Variants in ANKDD1B observed in about 807,000 individuals in gnomAD.
ANKDD1B encodes the protein ankyrin repeat and death domain containing 1B.
A neutral mutation model predicts 59.7 loss-of-function variants in ANKDD1B; 57 were observed. The observed-to-expected ratio is 0.95, with a 90% confidence interval of 0.77 to 1.19. ANKDD1B has a LOEUF of 1.19. Among genes scored for constraint, ANKDD1B ranks in the 50% most tolerant of loss-of-function variants. ANKDD1B has a pLI of 0.00. For missense variants in ANKDD1B, 602 were observed against 641.9 expected (o/e 0.94, Z 0.67); for synonymous variants, 216 against 239.5 (o/e 0.90, Z 0.91).
At position 75,656,096 on chromosome 5, in the gene ANKDD1B, G is replaced by T. The variant is rs1404982631; in HGVS notation, c.965G>T (p.Ser322Ile). The change falls in exon 9 of 14, where the codon AGT (serine) becomes ATT (isoleucine). Residue 322 changes from serine (S) to isoleucine (I), a missense_variant. This residue lies in a region of ANKDD1B where 280 missense variants were observed against 319.8 expected (regional missense o/e 0.88). Coordinates refer to ENST00000601380, the MANE Select transcript of ANKDD1B (RefSeq NM_001276713.2). The part of the protein sequence containing the change: ...NHITVVNSLL[S>I]AQHDIDILNQ... ...ATCACGGTTGTAAACAGTTTATTAA[G>T]TGCACAGCATGATATTGACATCTTA... 6.6e-7 allele frequency: 1 copy of T among 1,526,116 alleles called. No homozygotes were observed. Among genetic ancestry groups the T allele is most frequent in the Non-Finnish European group, 8.8e-7 (1 of 1,138,394 alleles). The allele number at this position is 1,526,116 out of a possible 1,614,324, so 94.5% of individuals were successfully genotyped here. A position where few individuals can be genotyped will look rare whatever the true frequency, so the allele number is the denominator to read the frequency against.
chr5:75,669,326 G>T lies in ANKDD1B; in HGVS notation c.1468G>T (p.Asp490Tyr). 1 of 1,232,066 alleles carries T rather than the reference G, an allele frequency of 8.1e-7. No individual in the cohort carries two copies. The highest frequency in any genetic ancestry group is 4.1e-5 in the South Asian group (1 of 24,304). 76.3% of individuals were successfully genotyped at this position (1,232,066 alleles called of 1,614,324 possible). Reference protein sequence around the residue: ...WLHGTLMTQGDPAKQLYEELV... With the variant: ...WLHGTLMTQGYPAKQLYEELV... ...ACACGGGACCCTGATGACTCAGGGT[G>T]ACCCGGCCAAGCAACTGTATGAAGA... Residue 490 changes from aspartate (D) to tyrosine (Y), a missense_variant, in exon 13 of 14, where the codon GAC becomes TAC. By Grantham distance (160) the Asp-to-Tyr change is radical (BLOSUM62 -3). This residue lies in a region of ANKDD1B where 280 missense variants were observed against 319.8 expected (regional missense o/e 0.88). Transcript: ENST00000601380.
At chr5:75,648,694 C>A (rs988687110) in intron 7 of ANKDD1B, among the ~76,000 whole-genome samples, 3 of 152,242 alleles carry the variant, frequency 2.0e-5, no homozygotes, top group African/African-American at 7.2e-5. Flanking sequence ...AACCTCAGCC[C>A]CCACTAGCTA....
rs1338232275 is a variant in ANKDD1B, at chr5:75,671,375, G to C, written c.*335G>C. ...CATCATGGTACAGTAAAAAAACAAG[G>C]GTTTTTATAATAGACAAATATGGTT... On this transcript the variant is annotated 3_prime_UTR_variant, in exon 14 of 14. Coordinates refer to ENST00000601380, the MANE Select transcript of ANKDD1B (RefSeq NM_001276713.2). The C allele has an allele frequency of 5.2e-5, 9 of 172,908 alleles. No homozygotes were observed. The East Asian group carries it at 1.4e-3, about 26-fold the overall frequency. 10.7% of individuals were successfully genotyped at this position (172,908 alleles called of 1,614,324 possible). A position where few individuals can be genotyped will look rare whatever the true frequency, so the allele number is the denominator to read the frequency against.
intron 5 of ANKDD1B, among the ~76,000 whole-genome samples, chr5:75,632,717 G>A (rs1053981973): frequency 1.6e-4 from 25 of 152,024 alleles, no homozygotes; most frequent in Admixed American, 2.6e-4. Context: ...CTCACCACCC[G>A]CCTTTCCAGC....
chr5:75,658,046 T>TA (rs775615583), intron 9 of ANKDD1B, among the ~76,000 whole-genome samples: 202 of 136,058 alleles, frequency 1.5e-3, no homozygotes, highest in Admixed American at 2.5e-3. Flanking sequence ...GCCTCATCGC[T>TA]AAAAAAAAAA....
At chr5:75,623,452 G>C (rs1773909628) in intron 3 of ANKDD1B, among the ~76,000 whole-genome samples, 1 of 152,088 alleles carries the variant, frequency 6.6e-6, no homozygotes, top group Non-Finnish European at 1.5e-5. Flanking sequence ...GTGGAATTGT[G>C]TTTAGGGAAC....
chr5:75,663,304 A>G, intron 10 of ANKDD1B, 90 bp from the exon 11 acceptor site: 1 of 963,792 alleles, frequency 1.0e-6, no homozygotes, highest in Middle Eastern at 2.1e-4. Flanking sequence ...TGGTAGAATC[A>G]AGATTTGAAC....
chr5:75,663,294 TG>T, intron 10 of ANKDD1B, 99 bp from the exon 11 acceptor site: 2 of 858,192 alleles, frequency 2.3e-6, no homozygotes, highest in Non-Finnish European at 1.9e-6. Flanking sequence ...CAGCATGGGC[TG>T]GTAGAATCAA....
chr5:75,637,314 T>C (rs1014449983), intron 7 of ANKDD1B, among the ~76,000 whole-genome samples: 44 of 143,432 alleles, frequency 3.1e-4, no homozygotes, highest in Non-Finnish European at 5.4e-4. Flanking sequence ...GTGCAGGGGA[T>C]GTGGCTGTGG....
intron 2 of ANKDD1B, among the ~76,000 whole-genome samples, chr5:75,617,989 G>A (rs1262764458): frequency 6.6e-6 from 1 of 151,870 alleles, no homozygotes; most frequent in Non-Finnish European, 1.5e-5. Flanking sequence ...GGATTGGTAT[G>A]TCTGTGTATA....
chr5:75,651,155 G>A (rs950126224), intron 7 of ANKDD1B, among the ~76,000 whole-genome samples: 17 of 152,176 alleles, frequency 1.1e-4, no homozygotes, highest in African/African-American at 3.9e-4. Context: ...TTACAGGGTC[G>A]ACCCAGATTC....
Position 75,611,813 on chromosome 5 carries a change from C to T in ANKDD1B, c.179C>T (p.Ala60Val), listed in dbSNP as rs79228722. 3.8e-5 allele frequency: 47 copies of T among 1,231,792 alleles called. No homozygotes were observed. The highest frequency in any genetic ancestry group is 4.8e-5 in the Non-Finnish European group (47 of 988,118). 76.3% of individuals were successfully genotyped at this position (1,231,792 alleles called of 1,614,324 possible). ...EGLGEEDTAV[A>V]GHELLLPNER... ...CTTGGAGAGGAGGACACAGCAGTTGCCGGACACGAGCTCCGTGAGTCCCGG... is the reference window on the plus strand; with the variant it reads ...CTTGGAGAGGAGGACACAGCAGTTGTCGGACACGAGCTCCGTGAGTCCCGG... The change falls in exon 1 of 14, where the codon GCC (alanine) becomes GTC (valine). Residue 60 changes from alanine (A) to valine (V), a missense_variant. Coordinates refer to ENST00000601380, the MANE Select transcript of ANKDD1B (RefSeq NM_001276713.2).
In ANKDD1B at chr5:75,640,615, C is replaced by G. The variant is rs188157472; in HGVS notation, c.798+4733C>G. 3.2e-4 allele frequency among the ~76,000 whole-genome samples: 48 copies of G among 152,278 alleles called. 1 individual carries two copies. In the East Asian group the frequency reaches 8.7e-3, roughly 28 times the overall value. On this transcript the variant is annotated intron_variant, in intron 7 of 13. Coordinates refer to ENST00000601380, the MANE Select transcript of ANKDD1B (RefSeq NM_001276713.2). ...TTTTCCTTTTGTTGGAATGGAGAAA[C>G]ACCATTCTTTCTGAGTGTTGAAGGA...
chr5:75,660,267 C>A (rs1189342835), intron 10 of ANKDD1B, among the ~76,000 whole-genome samples: 4 of 152,190 alleles, frequency 2.6e-5, no homozygotes, highest in Admixed American at 2.6e-4. Context: ...CTTCTCCCAG[C>A]CCCTGGGAAC....
intron 6 of ANKDD1B, 59 bp downstream of exon 6, chr5:75,635,055 T>C (rs1211002770): frequency 9.0e-7 from 1 of 1,116,250 alleles, no homozygotes; most frequent in Admixed American, 2.1e-5. Context: ...ACAATTGATG[T>C]AGAGGGGTAA....
At chr5:75,629,432 G>A (rs571447186) in intron 5 of ANKDD1B, among the ~76,000 whole-genome samples, 4 of 152,178 alleles carry the variant, frequency 2.6e-5, no homozygotes, top group East Asian at 3.9e-4. Flanking sequence ...TCCTAAGAGC[G>A]ACACATCTCA....
intron 7 of ANKDD1B, among the ~76,000 whole-genome samples, chr5:75,637,944 A>G (rs1774360614): frequency 6.6e-6 from 1 of 152,180 alleles, no homozygotes; most frequent in Non-Finnish European, 1.5e-5. Flanking sequence ...TACCCATTCC[A>G]ATGTAATGCA....
chr5:75,632,991 G>A (rs1774206801), intron 5 of ANKDD1B, among the ~76,000 whole-genome samples: 1 of 152,180 alleles, frequency 6.6e-6, no homozygotes. Flanking sequence ...TATAATCACT[G>A]TCTCTTGTTC....
At chr5:75,651,179 A>T (rs2111990697) in intron 7 of ANKDD1B, among the ~76,000 whole-genome samples, 1 of 152,334 alleles carries the variant, frequency 6.6e-6, no homozygotes, top group Non-Finnish European at 1.5e-5. Flanking sequence ...GAGGTGGAGA[A>T]ATAAACCCCA....
Sources: allele counts gnomAD v4.1 joint callset (sites outside exome capture counted in the v4.1 genomes callset), GRCh38; gene constraint gnomAD v4.1.1; regional missense constraint gnomAD v4.1.1; transcripts MANE v1.5; gene names NCBI Gene and HGNC (gene_info 2026-07-23, HGNC 2026-07-21).